BICRAL: variants seen among roughly 807,000 people sequenced by gnomAD.
BICRAL encodes BRD4-interacting chromatin-remodeling complex-associated protein-like.
BICRAL carries 8 observed loss-of-function variants against 91.8 expected under a neutral mutation model. The ratio of observed to expected loss-of-function variants is 0.09; its 90% CI spans 0.05 to 0.16. The LOEUF (loss-of-function observed/expected upper bound fraction) is 0.16. Ranked by LOEUF, BICRAL falls within the 10% of genes least tolerant of loss-of-function variation. The pLI is 1.00. For missense variants in BICRAL, 1,038 were observed against 1,310.9 expected, an observed-to-expected ratio of 0.79 and a Z score of 3.21; for synonymous variants, 445 against 491.1, an observed-to-expected ratio of 0.91 and a Z score of 1.24.
intron 1 of BICRAL, among the ~76,000 whole-genome samples, chr6:42,803,170 A>G (rs184423438): frequency 6.6e-6 from 1 of 152,326 alleles, no homozygotes; most frequent in East Asian, 1.9e-4. Context: ...AAATGTTTGG[A>G]GACTTCAACT....
chr6:42,768,640 T>C (rs185344193), intron 1 of BICRAL, among the ~76,000 whole-genome samples: 1 of 152,312 alleles, frequency 6.6e-6, no homozygotes, highest in African/African-American at 2.4e-5. Flanking sequence ...GACTCAGATA[T>C]CAATCAGGCA....
intron 1 of BICRAL, among the ~76,000 whole-genome samples, chr6:42,747,880 C>T (rs1762309247): frequency 2.0e-5 from 3 of 148,110 alleles, no homozygotes; most frequent in Admixed American, 1.4e-4. Context: ...GATCTCGGCT[C>T]ACCGCTATCC....
intron 1 of BICRAL, among the ~76,000 whole-genome samples, chr6:42,768,974 A>G (rs1048204884): frequency 3.9e-5 from 6 of 152,194 alleles, no homozygotes; most frequent in Non-Finnish European, 8.8e-5. Flanking sequence ...GGGTAACTCT[A>G]ATATATTTTA....
intron 6 of BICRAL, among the ~76,000 whole-genome samples, chr6:42,832,804 C>T (rs1764530971): frequency 6.6e-6 from 1 of 151,982 alleles, no homozygotes; most frequent in African/African-American, 2.4e-5. Flanking sequence ...TGCCTCTTGA[C>T]TCCTAATTAC....
intron 2 of BICRAL, among the ~76,000 whole-genome samples, chr6:42,811,448 C>G (rs994806045): frequency 6.6e-6 from 1 of 152,114 alleles, no homozygotes; most frequent in African/African-American, 2.4e-5. Flanking sequence ...TGGTGAAACC[C>G]CGTCCCTACT....
intron 1 of BICRAL, among the ~76,000 whole-genome samples, chr6:42,760,201 G>C (rs150446303): frequency 6.6e-6 from 1 of 151,720 alleles, no homozygotes; most frequent in East Asian, 1.9e-4. Flanking sequence ...CTGAGGTTGC[G>C]GTGAGCTGAG....
chr6:42,779,175 C>G (rs540835762), upstream of BICRAL, among the ~76,000 whole-genome samples: 41 of 150,338 alleles, frequency 2.7e-4, no homozygotes, highest in Admixed American at 1.9e-3. Flanking sequence ...TATGATCATG[C>G]CTCTGCACTC....
Position 42,783,835 on chromosome 6 carries a change from G to T in BICRAL, c.-102+1734G>T, listed in dbSNP as rs1480333926. On this transcript the variant is annotated intron_variant, in intron 1 of 12. Transcript: ENST00000314073. ...TCCCAGTCGAAATTGGAGGTGAGGC[G>T]CTCCTGCCATTTTCTCTCCTGCGGT... Among the ~76,000 whole-genome samples, 3 of 152,316 alleles carry T rather than the reference G, an allele frequency of 2.0e-5. No individual in the cohort carries two copies. In the East Asian group the frequency reaches 5.8e-4, roughly 29 times the overall value.
upstream of BICRAL, among the ~76,000 whole-genome samples, chr6:42,779,715 C>T (rs1762858936): frequency 6.6e-6 from 1 of 152,180 alleles, no homozygotes; most frequent in Non-Finnish European, 1.5e-5. Flanking sequence ...GTTGCTCAAT[C>T]TCAAGCGATT....
chr6:42,765,148 G>A (rs1404413597), intron 1 of BICRAL, among the ~76,000 whole-genome samples: 2 of 152,184 alleles, frequency 1.3e-5, no homozygotes, highest in Non-Finnish European at 2.9e-5. Flanking sequence ...GAACCTATTT[G>A]TGCTGCAGAG....
At chr6:42,848,788 C>T (rs907853114) in intron 6 of BICRAL, among the ~76,000 whole-genome samples, 1 of 152,148 alleles carries the variant, frequency 6.6e-6, no homozygotes, top group Non-Finnish European at 1.5e-5. Context: ...TTGCAGTGAC[C>T]CAGGATTGCC....
chr6:42,759,356 TC>T (rs1299218989), intron 1 of BICRAL, among the ~76,000 whole-genome samples: 5 of 152,144 alleles, frequency 3.3e-5, no homozygotes, highest in African/African-American at 1.2e-4. Context: ...TAACAAAGGA[TC>T]AGTCTGGATG....
intron 1 of BICRAL, among the ~76,000 whole-genome samples, chr6:42,762,483 C>A (rs939657788): frequency 2.0e-5 from 3 of 152,144 alleles, no homozygotes; most frequent in Non-Finnish European, 4.4e-5. Context: ...TCTCACTTTA[C>A]AGATAAGGGC....
At chr6:42,836,361 A>T (rs1399324779) in intron 6 of BICRAL, among the ~76,000 whole-genome samples, 2 of 152,252 alleles carry the variant, frequency 1.3e-5, no homozygotes, top group East Asian at 3.9e-4. Flanking sequence ...AGGTAAAAAG[A>T]AGCCTACACT....
At chr6:42,753,760 C>T (rs566739317) in intron 1 of BICRAL, among the ~76,000 whole-genome samples, 5 of 151,956 alleles carry the variant, frequency 3.3e-5, no homozygotes, top group South Asian at 2.1e-4. Flanking sequence ...TACAGGTGTG[C>T]GCCACCACAC....
At chr6:42,842,403 G>A (rs1427052857) in intron 6 of BICRAL, among the ~76,000 whole-genome samples, 1 of 152,014 alleles carries the variant, frequency 6.6e-6, no homozygotes, top group Non-Finnish European at 1.5e-5. Context: ...TAAAATATTT[G>A]AACCAAATCA....
intron 6 of BICRAL, among the ~76,000 whole-genome samples, chr6:42,847,635 C>T (rs778017617): frequency 7.3e-5 from 11 of 150,292 alleles, no homozygotes; most frequent in Non-Finnish European, 1.0e-4. Flanking sequence ...AAAAATTAGC[C>T]AGGCATTGGC....
At position 42,829,599 on chromosome 6, in the gene BICRAL, G is replaced by T; in HGVS notation, c.1266G>T (p.Gly422=). The change falls in exon 6 of 13, where the codon GGG becomes GGT. Residue 422 remains glycine, a synonymous_variant. Transcript: ENST00000314073. The part of the protein sequence containing the change: ...NSVHHVQTIN[G]QLLQTQPSQL... ...TACACCACGTCCAGACTATAAATGG[G>T]CAACTTCTTCAAACTCAACCCTCTC... is the stretch of plus-strand genomic sequence containing the variant. 1 of 1,614,160 alleles carries T rather than the reference G, an allele frequency of 6.2e-7. No individual in the cohort carries two copies. Among genetic ancestry groups the T allele is most frequent in the African/African-American group, 1.3e-5 (1 of 75,054 alleles).
chr6:42,843,883 C>T (rs899735701), intron 6 of BICRAL, among the ~76,000 whole-genome samples: 1 of 151,038 alleles, frequency 6.6e-6, no homozygotes, highest in Non-Finnish European at 1.5e-5. Context: ...ACTGCAACCT[C>T]CTTCTCCCTG....
Sources: gnomAD v4.1 joint callset for allele counts (sites outside exome capture counted in the v4.1 genomes callset) on GRCh38, gnomAD v4.1.1 for gene constraint, MANE v1.5 for transcripts, NCBI Gene and HGNC (gene_info 2026-07-23, HGNC 2026-07-21) for gene names.